Variants in RBM47 observed in about 807,000 individuals in gnomAD.
The protein encoded by RBM47 is RNA binding motif protein 47.
In RBM47, 21 loss-of-function variants were observed where a neutral mutation model predicts 47.1. That is an observed-to-expected ratio of 0.45 (90% confidence interval 0.32 to 0.64). RBM47 has a LOEUF of 0.64. Ranked by LOEUF, RBM47 falls within the 30% of genes least tolerant of loss-of-function variation. RBM47 has a pLI of 0.05. For synonymous variants in RBM47, 375 were observed against 361.7 expected (o/e 1.04, Z -0.42); for missense variants, 708 against 870.9 (o/e 0.81, Z 2.35).
rs78855893 is a variant in RBM47 at position 40,557,939 on chromosome 4, T to C, written c.-239-13433A>G. Among the ~76,000 whole-genome samples the C allele has an allele frequency of 9.1e-3, 1,385 of 152,284 alleles. 29 individuals are homozygous for C. Among genetic ancestry groups the C allele is most frequent in the African/African-American group, 0.032 (1,331 of 41,564 alleles). On this transcript the variant is annotated intron_variant, in intron 1 of 6. Transcript: ENST00000295971. ...GACCTGTTATCTTTATAGTTGTGGA[T>C]TGTTGCTTAATTTTCTTATTCTTTT...
chr4:40,431,764 G>T (rs1716112978), intron 6 of RBM47, among the ~76,000 whole-genome samples: 1 of 152,180 alleles, frequency 6.6e-6, no homozygotes, highest in East Asian at 1.9e-4. Flanking sequence ...AAAAGGTGGG[G>T]AAGGAGGCCA....
chr4:40,447,799 A>T lies in RBM47; in HGVS notation c.-31-8875T>A, dbSNP rs560777773. Among the ~76,000 whole-genome samples, 285 of 152,112 alleles carry T rather than the reference A, an allele frequency of 1.9e-3. 1 individual carries two copies. The highest frequency in any genetic ancestry group is 6.8e-3 in the Middle Eastern group (2 of 294). On this transcript the variant is annotated intron_variant, in intron 3 of 6. Transcript: ENST00000295971. The stretch of plus-strand genomic sequence containing the variant: ...GCTGAGGCGGGTGGATCACAAGGTC[A>T]GGAGATCGAGACCATCCTGGCTAAC...
intron 1 of RBM47, among the ~76,000 whole-genome samples, chr4:40,612,682 CAG>C (rs1298733697): frequency 1.3e-5 from 2 of 152,202 alleles, no homozygotes; most frequent in Non-Finnish European, 2.9e-5. Flanking sequence ...AAAAGGTCAT[CAG>C]AGAATGTCCA....
intron 1 of RBM47, among the ~76,000 whole-genome samples, chr4:40,590,387 T>G (rs1243519221): frequency 1.3e-5 from 2 of 151,510 alleles, no homozygotes; most frequent in Non-Finnish European, 2.9e-5. Flanking sequence ...AGACTCTGTC[T>G]CTTTTTAAAA....
chr4:40,496,364 A>C (rs4607260), intron 2 of RBM47, among the ~76,000 whole-genome samples: 13 of 100,350 alleles, frequency 1.3e-4, no homozygotes, highest in African/African-American at 2.4e-4. Context: ...ACACACACAC[A>C]AAGAGAGAAA....
intron 2 of RBM47, among the ~76,000 whole-genome samples, chr4:40,468,458 G>A (rs913606173): frequency 6.6e-6 from 1 of 152,202 alleles, no homozygotes; most frequent in Non-Finnish European, 1.5e-5. Context: ...GCTGGTTGAA[G>A]TATAGGTAGG....
intron 2 of RBM47, among the ~76,000 whole-genome samples, chr4:40,541,795 C>T (rs1184392695): frequency 6.6e-6 from 1 of 151,974 alleles, no homozygotes; most frequent in Non-Finnish European, 1.5e-5. Context: ...AGGTTTGAAA[C>T]CTGAGAATCT....
At chr4:40,449,204 G>A (rs1400274336) in intron 3 of RBM47, among the ~76,000 whole-genome samples, 1 of 152,174 alleles carries the variant, frequency 6.6e-6, no homozygotes, top group Non-Finnish European at 1.5e-5. Context: ...TTGAAACACG[G>A]GCTCTTTTTT....
At chr4:40,581,202 G>C (rs189609206) in intron 1 of RBM47, among the ~76,000 whole-genome samples, 1 of 152,036 alleles carries the variant, frequency 6.6e-6, no homozygotes, top group African/African-American at 2.4e-5. Flanking sequence ...TGGGAAGGTT[G>C]CTTGAGTCCA....
rs555108314 is a variant in RBM47, at chr4:40,454,051, G to A, written c.-32+12526C>T. On this transcript the variant is annotated intron_variant, in intron 3 of 6. Coordinates refer to ENST00000295971, the MANE Select transcript of RBM47 (RefSeq NM_001098634.2). ...GGAGACCTGCACATTTGACTCCCTG[G>A]CTGTTTTAATAAAGTTTTGTTGGCA... Among the ~76,000 whole-genome samples, 12 of 152,206 alleles carry A rather than the reference G, an allele frequency of 7.9e-5. No homozygotes were observed. The South Asian group carries it at 2.5e-3, about 32-fold the overall frequency.
At chr4:40,462,341 A>T (rs538095493) in intron 3 of RBM47, among the ~76,000 whole-genome samples, 1 of 152,330 alleles carries the variant, frequency 6.6e-6, no homozygotes, top group African/African-American at 2.4e-5. Context: ...CAGCATGAAA[A>T]GAAATTTGTT....
At chr4:40,501,896 A>C (rs1723426146) in intron 2 of RBM47, 1 of 152,258 alleles carries the variant, frequency 6.6e-6, no homozygotes, top group Non-Finnish European at 1.5e-5. Context: ...AACTCAGAAA[A>C]TAGTGGCCCT....
chr4:40,541,604 G>A (rs1728550745), intron 2 of RBM47, among the ~76,000 whole-genome samples: 1 of 152,160 alleles, frequency 6.6e-6, no homozygotes, highest in Non-Finnish European at 1.5e-5. Context: ...CCGGTGTGGT[G>A]GCGCATGCCT....
intron 2 of RBM47, among the ~76,000 whole-genome samples, chr4:40,496,159 CTG>C (rs1722534885): frequency 6.6e-6 from 1 of 152,190 alleles, no homozygotes; most frequent in African/African-American, 2.4e-5. Context: ...GCACAGGAAA[CTG>C]TGGAAAATCC....
At chr4:40,481,492 A>ATTATTT (rs1175804848) in intron 2 of RBM47, among the ~76,000 whole-genome samples, 11 of 113,592 alleles carry the variant, frequency 9.7e-5, no homozygotes, top group African/African-American at 3.7e-4. Flanking sequence ...TATTATTTTT[A>ATTATTT]TTTTTATTTT....
intron 2 of RBM47, among the ~76,000 whole-genome samples, chr4:40,468,581 C>A (rs946609369): frequency 2.0e-5 from 3 of 152,112 alleles, no homozygotes; most frequent in African/African-American, 4.8e-5. Flanking sequence ...GATTAAATGG[C>A]CTTTAATATA....
chr4:40,598,749 G>A (rs1734977411), intron 1 of RBM47, among the ~76,000 whole-genome samples: 1 of 151,654 alleles, frequency 6.6e-6, no homozygotes, highest in African/African-American at 2.4e-5. Context: ...TTTGATTTAG[G>A]GTTTCTACAT....
intron 3 of RBM47, among the ~76,000 whole-genome samples, chr4:40,455,861 C>T (rs1716162770): frequency 6.6e-6 from 1 of 152,162 alleles, no homozygotes; most frequent in Non-Finnish European, 1.5e-5. Flanking sequence ...TTTCAAGGAT[C>T]TTCTTTTTGT....
chr4:40,518,930 C>T (rs1725896588), intron 2 of RBM47, among the ~76,000 whole-genome samples: 2 of 152,064 alleles, frequency 1.3e-5, no homozygotes, highest in East Asian at 1.9e-4. Flanking sequence ...AGTGGTGGCT[C>T]ACACCGGTAG....
Sources: gnomAD v4.1 joint callset for allele counts (sites outside exome capture counted in the v4.1 genomes callset) on GRCh38, gnomAD v4.1.1 for gene constraint, MANE v1.5 for transcripts, NCBI Gene and HGNC (gene_info 2026-07-23, HGNC 2026-07-21) for gene names.